ANKFN1: variants seen among roughly 807,000 people sequenced by gnomAD.
ANKFN1 encodes ankyrin repeat and fibronectin type III domain containing 1, also known as ankyrin repeat and fibronectin type-III domain-containing protein 1.
ANKFN1 carries 74 observed loss-of-function variants against 108.7 expected under a neutral mutation model. The ratio of observed to expected loss-of-function variants is 0.68; its 90% CI spans 0.56 to 0.83. ANKFN1 has a LOEUF of 0.83. Among genes scored for constraint, ANKFN1 ranks in the 40% least tolerant of loss-of-function variants. ANKFN1 has a pLI of 0.00. For synonymous variants in ANKFN1, 547 were observed against 516.2 expected (o/e 1.06, Z -0.81); for missense variants, 1,505 against 1,382.3 (o/e 1.09, Z -1.41).
chr17:56,327,992 G>A (rs945342351), intron 4 of ANKFN1, among the ~76,000 whole-genome samples: 5 of 152,144 alleles, frequency 3.3e-5, no homozygotes, highest in African/African-American at 9.7e-5. Context: ...AAGGAAGCAT[G>A]ATCACACTTA....
intron 4 of ANKFN1, among the ~76,000 whole-genome samples, chr17:56,066,294 C>G (rs183771578): frequency 6.6e-6 from 1 of 152,312 alleles, no homozygotes; most frequent in African/African-American, 2.4e-5. Context: ...GAAAGAAGAA[C>G]CCCAGCTGAG....
chr17:56,319,012 C>A (rs1226945271), intron 3 of ANKFN1, among the ~76,000 whole-genome samples: 1 of 151,978 alleles, frequency 6.6e-6, no homozygotes, highest in Non-Finnish European at 1.5e-5. Flanking sequence ...GAATCTGTGA[C>A]TTTTAACTGC....
intron 8 of ANKFN1, among the ~76,000 whole-genome samples, chr17:56,386,572 T>A (rs963397750): frequency 7.8e-6 from 1 of 128,854 alleles, no homozygotes; most frequent in Non-Finnish European, 1.6e-5. Flanking sequence ...TTATCTTGCA[T>A]CTCATGAGTT....
chr17:56,474,713 T>TC (rs1272648117), intron 15 of ANKFN1, among the ~76,000 whole-genome samples: 2 of 152,302 alleles, frequency 1.3e-5, no homozygotes, highest in Admixed American at 6.5e-5. Context: ...TTTGAATACT[T>TC]CCATTTTTCC....
intron 3 of ANKFN1, among the ~76,000 whole-genome samples, chr17:56,276,302 T>C (rs1000274007): frequency 6.6e-6 from 1 of 152,202 alleles, no homozygotes; most frequent in Non-Finnish European, 1.5e-5. Context: ...CTATTGTGAA[T>C]AGTGCTGCAA....
intron 3 of ANKFN1, among the ~76,000 whole-genome samples, chr17:56,240,892 T>C (rs576662726): frequency 1.1e-3 from 170 of 152,230 alleles, no homozygotes; most frequent in African/African-American, 3.9e-3. Context: ...TTTGTATAAG[T>C]GAATTATCTC....
intron 4 of ANKFN1, among the ~76,000 whole-genome samples, chr17:56,140,369 C>G (rs146735704): frequency 2.2e-4 from 33 of 152,312 alleles, no homozygotes; most frequent in Admixed American, 3.3e-4. Flanking sequence ...TTTCAGCTCC[C>G]CTTTCCAATA....
chr17:56,301,240 G>A (rs1042331959), intron 3 of ANKFN1, among the ~76,000 whole-genome samples: 5 of 152,134 alleles, frequency 3.3e-5, no homozygotes, highest in African/African-American at 9.7e-5. Context: ...TCAGCTCCAC[G>A]TTGTTAGCCA....
At chr17:56,095,745 G>A (rs1423571270) in intron 4 of ANKFN1, among the ~76,000 whole-genome samples, 1 of 152,240 alleles carries the variant, frequency 6.6e-6, no homozygotes, top group East Asian at 1.9e-4. Context: ...AGGTCACTGG[G>A]TTGGGCAGGC....
intron 4 of ANKFN1, among the ~76,000 whole-genome samples, chr17:56,342,103 A>G (rs568557006): frequency 2.0e-5 from 3 of 152,068 alleles, no homozygotes; most frequent in South Asian, 4.1e-4. Context: ...AGAGGTGTTT[A>G]TCATATTCTC....
intron 4 of ANKFN1, among the ~76,000 whole-genome samples, chr17:56,344,399 G>A (rs1205018688): frequency 6.6e-6 from 1 of 152,016 alleles, no homozygotes; most frequent in Non-Finnish European, 1.5e-5. Flanking sequence ...AGCTCTGCAT[G>A]TGTGTGTTGG....
At chr17:56,467,803 A>AGAAAGAAAG (rs1568026458) in intron 15 of ANKFN1, among the ~76,000 whole-genome samples, 32 of 26,278 alleles carry the variant, frequency 1.2e-3, no homozygotes, top group African/African-American at 5.4e-3. Flanking sequence ...AGAAAGAAAG[A>AGAAAGAAAG]AAGAAAGAAA....
Position 56,350,795 on chromosome 17 carries a change from T to C in ANKFN1, c.218T>C (p.Met73Thr), listed in dbSNP as rs566437342. The C allele has an allele frequency of 7.7e-5, 125 of 1,613,570 alleles. No homozygotes were observed. Among genetic ancestry groups the C allele is most frequent in the Non-Finnish European group, 9.5e-5 (112 of 1,179,778 alleles). The stretch of plus-strand genomic sequence containing the variant: ...TGTCGTGTGAAAATGACGCAACAAA[T>C]GCAAAATTTACATCTCTGTCAGTCA... ...WNCRVKMTQQMQNLHLCQSKK... is the reference protein window; with the variant it reads ...WNCRVKMTQQTQNLHLCQSKK... Residue 73 changes from methionine to threonine, a missense_variant, in exon 5 of 21, where the codon ATG (methionine) becomes ACG (threonine). Coordinates refer to ENST00000682825, the MANE Select transcript of ANKFN1 (RefSeq NM_001370326.1).
At chr17:56,055,584 T>TATATATATATATACACACAC in intron 4 of ANKFN1, among the ~76,000 whole-genome samples, 1 of 113,198 alleles carries the variant, frequency 8.8e-6, no homozygotes, top group African/African-American at 4.4e-5. Context: ...TATATATATA[T>TATATATATATATACACACAC]ATATGTATAT....
intron 8 of ANKFN1, among the ~76,000 whole-genome samples, chr17:56,403,070 T>A (rs2047811852): frequency 1.3e-5 from 2 of 152,196 alleles, no homozygotes; most frequent in Non-Finnish European, 2.9e-5. Flanking sequence ...GTGCTTGATA[T>A]AATTTCAATT....
At chr17:56,189,403 C>A (rs1326252922) in intron 1 of ANKFN1, among the ~76,000 whole-genome samples, 1 of 151,074 alleles carries the variant, frequency 6.6e-6, no homozygotes, top group South Asian at 2.1e-4. Context: ...ATCTCCTGAC[C>A]TCGTGATCCG....
intron 1 of ANKFN1, among the ~76,000 whole-genome samples, chr17:56,208,509 AG>A (rs1377959597): frequency 1.3e-5 from 2 of 152,174 alleles, no homozygotes; most frequent in African/African-American, 4.8e-5. Context: ...AAAATCTCCT[AG>A]GGGTAAAGCC....
intron 3 of ANKFN1, among the ~76,000 whole-genome samples, chr17:56,254,852 G>C (rs1359851913): frequency 6.6e-6 from 1 of 152,172 alleles, no homozygotes; most frequent in African/African-American, 2.4e-5. Context: ...TGCTCTAGAA[G>C]GGAGGAATGT....
intron 15 of ANKFN1, among the ~76,000 whole-genome samples, chr17:56,467,783 G>GAAAGAAAGAAAGAAAGAA (rs2050145430): frequency 3.5e-4 from 8 of 22,922 alleles, no homozygotes; most frequent in African/African-American, 6.5e-4. Context: ...AAGAAAGAAA[G>GAAAGAAAGAAAGAAAGAA]AAAGAAAGAA....
Sources: allele counts gnomAD v4.1 joint callset (sites outside exome capture counted in the v4.1 genomes callset), GRCh38; gene constraint gnomAD v4.1.1; transcripts MANE v1.5; gene names NCBI Gene and HGNC (gene_info 2026-07-23, HGNC 2026-07-21).